The following MAP2K4 variants were observed in gnomAD, a reference collection of about 807,000 sequenced individuals.
MAP2K4 encodes mitogen-activated protein kinase kinase 4, also known as dual specificity mitogen-activated protein kinase kinase 4.
Under a neutral mutation model 48.5 loss-of-function variants are expected in MAP2K4, and 4 were observed. The observed-to-expected ratio is 0.08, with a 90% CI of 0.04 to 0.19. The LOEUF (loss-of-function observed/expected upper bound fraction) is 0.19, where lower values mean the gene tolerates loss of function less well. MAP2K4 is among the 10% of genes least tolerant of loss of function. The pLI is 1.00. For synonymous variants in MAP2K4, 166 were observed against 173.1 expected, an observed-to-expected ratio of 0.96 and a Z score of 0.32; for missense variants, 258 against 493.3, an observed-to-expected ratio of 0.52 and a Z score of 4.52.
chr17:12,058,764 A>G (rs1399823503), intron 2 of MAP2K4, among the ~76,000 whole-genome samples: 4 of 152,334 alleles, frequency 2.6e-5, no homozygotes, highest in Non-Finnish European at 2.9e-5. Context: ...TTTAAAAGAC[A>G]TAATCATAGT....
chr17:12,094,939 G>A (rs1198757883), intron 3 of MAP2K4, among the ~76,000 whole-genome samples: 1 of 152,204 alleles, frequency 6.6e-6, no homozygotes, highest in African/African-American at 2.4e-5. Flanking sequence ...ATGGGTTGGA[G>A]AGTCAGGTAG....
At chr17:12,082,799 A>G (rs1971235285) in intron 3 of MAP2K4, among the ~76,000 whole-genome samples, 1 of 152,226 alleles carries the variant, frequency 6.6e-6, no homozygotes, top group Non-Finnish European at 1.5e-5. Flanking sequence ...TATACACAAC[A>G]TTTTGTATAC....
rs113937193 is a variant in MAP2K4, at chr17:12,105,481, G to A, written c.514-2309G>A. 3.2e-4 allele frequency among the ~76,000 whole-genome samples: 48 copies of A among 151,920 alleles called. 1 individual carries two copies. The highest frequency in any genetic ancestry group is 1.1e-3 in the African/African-American group (47 of 41,418). The stretch of plus-strand genomic sequence containing the variant: ...TTGGTATATGTTATTGGTTATATAC[G>A]GATCTTTAGGAACCCTTCCTTATGT... On this transcript the variant is annotated intron_variant, in intron 4 of 10. Transcript: ENST00000353533.
chr17:12,125,108 G>A, intron 7 of MAP2K4, 186 bp from the exon 8 acceptor site: 1 of 574,868 alleles, frequency 1.7e-6, no homozygotes, highest in South Asian at 2.2e-5. Context: ...TATGGAAGTA[G>A]CCATTAAGTT....
At chr17:12,062,474 A>G (rs1970480308) in intron 2 of MAP2K4, among the ~76,000 whole-genome samples, 1 of 152,154 alleles carries the variant, frequency 6.6e-6, no homozygotes, top group African/African-American at 2.4e-5. Context: ...AGCTGGCACT[A>G]TAGGCATGTG....
At chr17:12,041,954 A>G (rs1313589371) in intron 1 of MAP2K4, among the ~76,000 whole-genome samples, 1 of 151,814 alleles carries the variant, frequency 6.6e-6, no homozygotes, top group African/African-American at 2.4e-5. Flanking sequence ...GCTGAGGCAG[A>G]TGGCTCACCT....
chr17:12,045,057 T>G (rs1380033334), intron 1 of MAP2K4, among the ~76,000 whole-genome samples: 1 of 152,242 alleles, frequency 6.6e-6, no homozygotes, highest in African/African-American at 2.4e-5. Context: ...TGTGCTGTTG[T>G]GAGTACTTAC....
At chr17:12,116,266 G>C (rs991880101) in intron 7 of MAP2K4, among the ~76,000 whole-genome samples, 5 of 152,108 alleles carry the variant, frequency 3.3e-5, no homozygotes, top group African/African-American at 1.2e-4. Context: ...AATAAAGAAT[G>C]GTTCACTGGT....
chr17:12,141,279 C>G lies in MAP2K4; in HGVS notation c.*19C>G, dbSNP rs753044476. The G allele has an allele frequency of 6.4e-7, 1 of 1,553,298 alleles. No individual in the cohort carries two copies. Among genetic ancestry groups the G allele is most frequent in the East Asian group, 2.2e-5 (1 of 44,592 alleles). On this transcript the variant is annotated 3_prime_UTR_variant, in exon 11 of 11. Transcript: ENST00000353533. ...CGATTGATATCGCTGCTACATCAGA[C>G]TCTAGAAAAAAGGGCTGAGAGGAAG...
intron 2 of MAP2K4, among the ~76,000 whole-genome samples, chr17:12,066,431 T>C (rs1054963542): frequency 1.6e-4 from 25 of 152,362 alleles, no homozygotes; most frequent in African/African-American, 5.5e-4. Context: ...GCAGTTTTTT[T>C]CTGCACTTTT....
At chr17:12,051,440 G>T (rs551692001) in intron 1 of MAP2K4, among the ~76,000 whole-genome samples, 1 of 152,118 alleles carries the variant, frequency 6.6e-6, no homozygotes, top group Non-Finnish European at 1.5e-5. Context: ...AGAATCTCTC[G>T]CAGGAAACCG....
intron 7 of MAP2K4, among the ~76,000 whole-genome samples, chr17:12,118,658 G>C (rs1227810362): frequency 6.6e-6 from 1 of 152,188 alleles, no homozygotes; most frequent in Non-Finnish European, 1.5e-5. Context: ...TCAGCCATGT[G>C]ACCAGGATAT....
At chr17:12,122,195 T>C (rs534795465) in intron 7 of MAP2K4, among the ~76,000 whole-genome samples, 1 of 152,374 alleles carries the variant, frequency 6.6e-6, no homozygotes, top group East Asian at 1.9e-4. Context: ...CTTATTTAAG[T>C]GCTAACTTAC....
rs2151600203 is a variant in MAP2K4, at chr17:12,141,950, G to A, written c.*690G>A. ...TTAAAATATAGAGACAGGACAGAAT[G>A]TGTTCTTTTCTCCTTTACCAGTCCT... On this transcript the variant is annotated 3_prime_UTR_variant, in exon 11 of 11. Coordinates refer to ENST00000353533, the MANE Select transcript of MAP2K4 (RefSeq NM_003010.4). 1 of 233,324 alleles carries A rather than the reference G, an allele frequency of 4.3e-6. No individual in the cohort carries two copies. Among genetic ancestry groups the A allele is most frequent in the Non-Finnish European group, 8.5e-6 (1 of 117,826 alleles). The allele number at this position is 233,324 out of a possible 1,614,324, so 14.5% of individuals were successfully genotyped here. A position where few individuals can be genotyped will look rare whatever the true frequency, so the allele number is the denominator to read the frequency against.
At chr17:12,024,576 A>G (rs959252934) in intron 1 of MAP2K4, among the ~76,000 whole-genome samples, 2 of 152,100 alleles carry the variant, frequency 1.3e-5, no homozygotes, top group South Asian at 2.1e-4. Context: ...CAAGTTAGGT[A>G]AGTGGTTTTA....
In MAP2K4 at chr17:12,142,052, A is replaced by T. The variant is rs1973392239; in HGVS notation, c.*792A>T. ...ATCCTAAGAATTTTTCATTCTCAGA[A>T]TTCGGTGTGCTGCCAACTTGATGTT... is the stretch of plus-strand genomic sequence containing the variant. On this transcript the variant is annotated 3_prime_UTR_variant, in exon 11 of 11. Coordinates refer to ENST00000353533, the MANE Select transcript of MAP2K4 (RefSeq NM_003010.4). 1 of 233,274 alleles carries T rather than the reference A, an allele frequency of 4.3e-6. No individual in the cohort carries two copies. The highest frequency in any genetic ancestry group is 1.8e-4 in the South Asian group (1 of 5,528). The allele number at this position is 233,274 out of a possible 1,614,324, so 14.5% of individuals were successfully genotyped here. A position where few individuals can be genotyped will look rare whatever the true frequency, so the allele number is the denominator to read the frequency against.
At chr17:12,051,341 G>A (rs1188561136) in intron 1 of MAP2K4, among the ~76,000 whole-genome samples, 1 of 152,204 alleles carries the variant, frequency 6.6e-6, no homozygotes, top group African/African-American at 2.4e-5. Flanking sequence ...AGTTGTCTGA[G>A]GCTGTCCATG....
rs534970704 is a variant in MAP2K4, at chr17:12,029,661, AGGT to A, written c.115+8662_115+8664del. The stretch of plus-strand genomic sequence containing the variant: ...ACTTCAAAAATTGAACATATTGGCC[AGGT>A]GAGATGGCTCATGCCTATAATCCCA... On this transcript the variant is annotated intron_variant, in intron 1 of 10. Transcript: ENST00000353533. Among the ~76,000 whole-genome samples the A allele has an allele frequency of 1.2e-3, 185 of 152,220 alleles. 1 individual carries two copies. The highest frequency in any genetic ancestry group is 4.4e-3 in the African/African-American group (181 of 41,552).
At chr17:12,110,277 T>G (rs1972260659) in intron 5 of MAP2K4, 98 bp from the exon 6 acceptor site, 1 of 781,858 alleles carries the variant, frequency 1.3e-6, no homozygotes, top group African/African-American at 1.7e-5. Flanking sequence ...TTAAAATGTA[T>G]GCAGAGGACT....
Sources: gnomAD v4.1 joint callset for allele counts (sites outside exome capture counted in the v4.1 genomes callset) on GRCh38, gnomAD v4.1.1 for gene constraint, MANE v1.5 for transcripts, NCBI Gene and HGNC (gene_info 2026-07-23, HGNC 2026-07-21) for gene names.